CALCR: variants seen among roughly 807,000 people sequenced by gnomAD.
CALCR encodes calcitonin receptor.
In CALCR, 47 loss-of-function variants were observed where a neutral mutation model predicts 59.5. That is an observed-to-expected ratio of 0.79 (90% CI 0.63 to 1.01). The LOEUF (loss-of-function observed/expected upper bound fraction) is 1.01. CALCR is among the 50% of genes least tolerant of loss of function. The probability of loss-of-function intolerance (pLI) is 0.00; values close to 1 mark genes in which losing one functional copy is unlikely to be tolerated. For missense variants in CALCR, 566 were observed against 597.1 expected (o/e 0.95, Z 0.54); for synonymous variants, 213 against 211.3 (o/e 1.01, Z -0.07).
intron 2 of CALCR, among the ~76,000 whole-genome samples, chr7:93,550,386 G>T (rs534228379): frequency 6.7e-6 from 1 of 148,546 alleles, no homozygotes; most frequent in Non-Finnish European, 1.5e-5. Context: ...AGCTACTCAG[G>T]AAGCTGAGGC....
At position 93,460,924 on chromosome 7, in the gene CALCR, G is replaced by A. The variant is rs1182219736; in HGVS notation, c.545C>T (p.Thr182Ile). Residue 182 changes from threonine (T) to isoleucine (I), a missense_variant, in exon 8 of 14, where the codon ACC (threonine) becomes ATC (isoleucine). Transcript: ENST00000426151. ...FFRSLGCQRV[T>I]LHKNMFLTYI... is the part of the protein sequence containing the mutation. ...AGTAAGAAACATGTTCTTGTGCAGG[G>A]TTACCCTTTGGCAGCCAAGGCTCCT... 1 of 1,610,194 alleles carries A rather than the reference G, an allele frequency of 6.2e-7. No individual in the cohort carries two copies. Among genetic ancestry groups the A allele is most frequent in the Non-Finnish European group, 8.5e-7 (1 of 1,178,378 alleles).
chr7:93,510,167 G>A (rs1801514241), intron 2 of CALCR, among the ~76,000 whole-genome samples: 1 of 151,774 alleles, frequency 6.6e-6, no homozygotes, highest in Non-Finnish European at 1.5e-5. Flanking sequence ...GTGGGTACTC[G>A]ATAATTACTT....
intron 2 of CALCR, among the ~76,000 whole-genome samples, chr7:93,554,520 A>T (rs183157356): frequency 1.2e-3 from 188 of 152,106 alleles, no homozygotes; most frequent in South Asian, 8.1e-3. Context: ...ATTTATACTG[A>T]TCTTTTACCC....
rs73221756 is a variant in CALCR, at chr7:93,516,136, C to T, written c.-26-29129G>A. 3.0e-3 allele frequency among the ~76,000 whole-genome samples: 449 copies of T among 151,850 alleles called. 2 individuals carry two copies. Among genetic ancestry groups the T allele is most frequent in the Admixed American group, 4.1e-3 (63 of 15,212 alleles). On this transcript the variant is annotated intron_variant, in intron 2 of 13. Transcript: ENST00000426151. ...TTTACAAGTCTCACCTTAAAATTTT[C>T]CTCAAAAAATGTAAAAGGTTTAACA...
intron 2 of CALCR, among the ~76,000 whole-genome samples, chr7:93,551,078 G>A (rs1789444756): frequency 6.6e-6 from 1 of 152,138 alleles, no homozygotes; most frequent in Non-Finnish European, 1.5e-5. Context: ...AGATATAAAA[G>A]CTTGAAAATT....
In CALCR at chr7:93,565,047, C is replaced by A. The variant is rs116824950; in HGVS notation, c.-27+9242G>T. Among the ~76,000 whole-genome samples the A allele has an allele frequency of 2.1e-3, 318 of 152,308 alleles. 5 individuals are homozygous for A. Among genetic ancestry groups the A allele is most frequent in the African/African-American group, 7.2e-3 (300 of 41,566 alleles). ...TTATACAATGTAATGCAGAGCCACT[C>A]TTATTCATGTGTTTAACTGTCTTTG... On this transcript the variant is annotated intron_variant, in intron 2 of 13. Transcript: ENST00000426151.
At chr7:93,476,210 G>C (rs1297487612) in intron 5 of CALCR, among the ~76,000 whole-genome samples, 1 of 151,714 alleles carries the variant, frequency 6.6e-6, no homozygotes, top group Admixed American at 6.6e-5. Context: ...GGCTGTAAAT[G>C]CTTCCTTGTT....
intron 8 of CALCR, among the ~76,000 whole-genome samples, chr7:93,452,278 C>T (rs1250600393): frequency 6.6e-6 from 1 of 151,964 alleles, no homozygotes; most frequent in African/African-American, 2.4e-5. Context: ...TTGTTGTAAA[C>T]TCCTGTTGCA....
chr7:93,465,195 T>C (rs1252278316), intron 7 of CALCR, among the ~76,000 whole-genome samples: 1 of 151,992 alleles, frequency 6.6e-6, no homozygotes, highest in East Asian at 1.9e-4. Flanking sequence ...GGCTTACATA[T>C]TTAGGATTAT....
chr7:93,437,582 CA>C (rs1799806518), intron 11 of CALCR, among the ~76,000 whole-genome samples: 1 of 152,182 alleles, frequency 6.6e-6, no homozygotes, highest in African/African-American at 2.4e-5. Context: ...GTAGCATCCT[CA>C]GTAAGCATCT....
At chr7:93,555,704 A>G (rs1789583625) in intron 2 of CALCR, among the ~76,000 whole-genome samples, 1 of 152,156 alleles carries the variant, frequency 6.6e-6, no homozygotes, top group Non-Finnish European at 1.5e-5. Context: ...TAAGCACAGC[A>G]CTGAGTTTAT....
rs774530799 is a variant in CALCR, at chr7:93,435,934, C to T, written c.1149+18G>A. 1.4e-6 allele frequency: 2 copies of T among 1,466,502 alleles called. No homozygotes were observed. The highest frequency in any genetic ancestry group is 1.7e-5 in the Admixed American group (1 of 59,680). 90.8% of individuals were successfully genotyped at this position (1,466,502 alleles called of 1,614,324 possible). On this transcript the variant is annotated intron_variant, in intron 12 of 13. Transcript: ENST00000426151. ...AATAAGCACAGTAGTTGAATAAATA[C>T]ACCTTTGGCTTCCTTACCTGGAAAT...
At chr7:93,544,143 A>C (rs1394808572) in intron 2 of CALCR, among the ~76,000 whole-genome samples, 1 of 152,124 alleles carries the variant, frequency 6.6e-6, no homozygotes. Context: ...TTGTTAAAAA[A>C]AACTATATCC....
At chr7:93,532,223 G>C (rs1349547336) in intron 2 of CALCR, among the ~76,000 whole-genome samples, 1 of 152,004 alleles carries the variant, frequency 6.6e-6, no homozygotes, top group East Asian at 1.9e-4. Flanking sequence ...AGATGATGAA[G>C]TCTGTCTAAA....
At chr7:93,436,289 G>A in intron 11 of CALCR, 119 bp from the exon 12 acceptor site, 1 of 767,608 alleles carries the variant, frequency 1.3e-6, no homozygotes. Context: ...TAGAACATGA[G>A]AGTCTACCTG....
At chr7:93,445,904 T>A (rs1276349947) in intron 8 of CALCR, among the ~76,000 whole-genome samples, 1 of 151,942 alleles carries the variant, frequency 6.6e-6, no homozygotes, top group Non-Finnish European at 1.5e-5. Flanking sequence ...TTCATAAAAA[T>A]GTAAAAATTG....
At chr7:93,492,024 G>A (rs565306844) in intron 2 of CALCR, among the ~76,000 whole-genome samples, 13 of 151,888 alleles carry the variant, frequency 8.6e-5, no homozygotes, top group Non-Finnish European at 1.5e-4. Context: ...AAGATAGACC[G>A]TATAAAGAAA....
intron 2 of CALCR, among the ~76,000 whole-genome samples, chr7:93,565,932 T>C (rs1789855337): frequency 6.6e-6 from 1 of 152,204 alleles, no homozygotes; most frequent in Non-Finnish European, 1.5e-5. Context: ...AATGGATGAG[T>C]CAAGTCAATT....
chr7:93,450,426 T>C (rs6976450), intron 8 of CALCR, among the ~76,000 whole-genome samples: 26,438 of 152,002 alleles, frequency 0.17, 2,901 homozygotes, highest in South Asian at 0.38. Flanking sequence ...CACATGGTTA[T>C]GTGGTCAGTG....
Sources: allele counts gnomAD v4.1 joint callset (sites outside exome capture counted in the v4.1 genomes callset), GRCh38; gene constraint gnomAD v4.1.1; transcripts MANE v1.5; gene names NCBI Gene and HGNC (gene_info 2026-07-23, HGNC 2026-07-21).